The following STAT3 variants were observed in gnomAD, a reference collection of about 807,000 sequenced individuals.
The protein encoded by STAT3 is signal transducer and activator of transcription 3, also known as DNA-binding protein APRF.
Under a neutral mutation model 114.3 loss-of-function variants are expected in STAT3, and 7 were observed. The ratio of observed to expected loss-of-function variants is 0.06; its 90% confidence interval spans 0.03 to 0.11. The LOEUF (loss-of-function observed/expected upper bound fraction) is 0.11, where lower values mean the gene tolerates loss of function less well. Ranked by LOEUF, STAT3 falls within the 10% of genes least tolerant of loss-of-function variation. The pLI, the probability that STAT3 is intolerant of heterozygous loss-of-function variation, is 1.00. For synonymous variants in STAT3, 331 were observed against 354.5 expected, an observed-to-expected ratio of 0.93 and a Z score of 0.74; for missense variants, 364 against 960.9, an observed-to-expected ratio of 0.38 and a Z score of 8.21.
chr17:42,379,777 A>G (rs1330148227), intron 1 of STAT3, among the ~76,000 whole-genome samples: 1 of 152,168 alleles, frequency 6.6e-6, no homozygotes, highest in Non-Finnish European at 1.5e-5. Flanking sequence ...CAATGCAGAG[A>G]TTTATCAGAA....
At chr17:42,340,868 A>G (rs1464128433) in intron 4 of STAT3, among the ~76,000 whole-genome samples, 1 of 152,102 alleles carries the variant, frequency 6.6e-6, no homozygotes, top group African/African-American at 2.4e-5. Context: ...AGGGCCCACC[A>G]TAAGCAAGAG....
In STAT3 at chr17:42,315,762, C is replaced by T. The variant is rs779485558; in HGVS notation, c.2296G>A (p.Ala766Thr). The T allele has an allele frequency of 2.6e-5, 42 of 1,613,924 alleles. No homozygotes were observed. The East Asian group carries it at 6.5e-4, about 25-fold the overall frequency. ...TCAGCTCCTCACATGGGGGAGGTAG[C>T]GCACTCCGAGGTCAACTCCATGTCA... ...TFDMELTSEC[A>T]TSPM is the part of the protein sequence containing the mutation. The change falls in exon 24 of 24, where the codon GCT (alanine) becomes ACT (threonine). Residue 766 changes from alanine (A) to threonine (T), a missense_variant. Physicochemically the swap from Ala to Thr is moderately conservative, Grantham distance 58 (BLOSUM62 0). This residue lies in a region of STAT3 where 37 missense variants were observed against 66.5 expected (regional missense o/e 0.56). Coordinates refer to ENST00000264657, the MANE Select transcript of STAT3 (RefSeq NM_139276.3).
chr17:42,345,094 C>T (rs1275525931), intron 4 of STAT3, among the ~76,000 whole-genome samples: 5 of 151,530 alleles, frequency 3.3e-5, no homozygotes, highest in Non-Finnish European at 7.4e-5. Flanking sequence ...GAAGAAACCC[C>T]GTCTCTACTA....
At chr17:42,327,997 G>A (rs1271082699) in intron 14 of STAT3, among the ~76,000 whole-genome samples, 6 of 148,482 alleles carry the variant, frequency 4.0e-5, no homozygotes, top group Non-Finnish European at 8.9e-5. Flanking sequence ...AGTGAGCTGA[G>A]ATCGCACCAC....
chr17:42,381,111 C>A (rs2084766560), intron 1 of STAT3, among the ~76,000 whole-genome samples: 1 of 152,072 alleles, frequency 6.6e-6, no homozygotes, highest in African/African-American at 2.4e-5. Context: ...TAAGAGAAGG[C>A]AGAACTGGGA....
In STAT3 at chr17:42,337,724, C is replaced by G; in HGVS notation, c.645+39G>C. On this transcript the variant is annotated intron_variant, in intron 7 of 23. Transcript: ENST00000264657. This position sits in a 1 kb window ranked among gnomAD's most constrained non-coding sequence, Gnocchi z 4.0. The stretch of plus-strand genomic sequence containing the variant: ...AAGACGCTGAAATCCCGCAAGTGAG[C>G]GAGACACATGGGGGAAGTGGTCCGA... 1 of 1,612,736 alleles carries G rather than the reference C, an allele frequency of 6.2e-7. No homozygotes were observed.
At chr17:42,358,167 C>T (rs1032742586) in intron 1 of STAT3, among the ~76,000 whole-genome samples, 2 of 152,148 alleles carry the variant, frequency 1.3e-5, no homozygotes, top group Non-Finnish European at 2.9e-5. Context: ...AATTCTAGCA[C>T]TTTGAGAGGC....
At chr17:42,315,833 T>G in intron 23 of STAT3, 33 bp from the exon 24 acceptor site, 1 of 1,613,894 alleles carries the variant, frequency 6.2e-7, no homozygotes, top group Non-Finnish European at 8.5e-7. Flanking sequence ...CTAGTTCAGT[T>G]GTCCACCCTC....
chr17:42,347,184 C>CAAAAA lies in STAT3; in HGVS notation c.129-476_129-472dup, dbSNP rs754388828. Among the ~76,000 whole-genome samples the CAAAAA allele has an allele frequency of 6.6e-5, 5 of 75,516 alleles. 1 individual carries two copies. The highest frequency in any genetic ancestry group is 8.0e-5 in the African/African-American group (2 of 25,080). The allele number at this position is 75,516 out of a possible 152,430, so 49.5% of individuals were successfully genotyped here. A position where few individuals can be genotyped will look rare whatever the true frequency, so the allele number is the denominator to read the frequency against. ...CCTGGGCTACAGCCAGACTCCATCTCAAAAAAAAAAAAAAAAAAACCACAA... is the reference window on the plus strand; with the variant it reads ...CCTGGGCTACAGCCAGACTCCATCTCAAAAAAAAAAAAAAAAAAAAAAAACCACAA... On this transcript the variant is annotated intron_variant, in intron 2 of 23. Transcript: ENST00000264657.
intron 1 of STAT3, among the ~76,000 whole-genome samples, chr17:42,380,925 G>C (rs2084756783): frequency 6.6e-6 from 1 of 152,074 alleles, no homozygotes; most frequent in Admixed American, 6.6e-5. Context: ...AAAATAAATA[G>C]TAATAATAGT....
rs564435618 is a variant in STAT3, at chr17:42,342,238, T to C, written c.373-2829A>G. The stretch of plus-strand genomic sequence containing the variant: ...TGGCTTATGCCTGTAATCCCAGCAC[T>C]TTGGGAGGCCGAGGTGGATGGATCA... On this transcript the variant is annotated intron_variant, in intron 4 of 23. Transcript: ENST00000264657. Among the ~76,000 whole-genome samples, 13 of 152,168 alleles carry C rather than the reference T, an allele frequency of 8.5e-5. No homozygotes were observed. In the South Asian group the frequency reaches 2.7e-3, roughly 32 times the overall value.
intron 10 of STAT3, 61 bp from the exon 11 acceptor site, chr17:42,331,592 G>T: frequency 1.5e-6 from 2 of 1,366,408 alleles, no homozygotes; most frequent in Non-Finnish European, 2.1e-6. Flanking sequence ...ACCTTTTCTT[G>T]AAGAAATGTA....
At chr17:42,365,349 T>C (rs1462381032) in intron 1 of STAT3, among the ~76,000 whole-genome samples, 1 of 152,102 alleles carries the variant, frequency 6.6e-6, no homozygotes, top group Non-Finnish European at 1.5e-5. Context: ...TAAAGAAAAT[T>C]CCAGATGATT....
chr17:42,322,507 A>G lies in STAT3; in HGVS notation c.1889-13T>C, dbSNP rs761815890. The G allele has an allele frequency of 6.2e-7, 1 of 1,614,092 alleles. No individual in the cohort carries two copies. The highest frequency in any genetic ancestry group is 1.1e-5 in the South Asian group (1 of 91,082). On this transcript the variant is annotated splice_polypyrimidine_tract_variant and intron_variant, in intron 20 of 23. Transcript: ENST00000264657. ...ATCTGGGTCTTACCTGTCACAGGAC[A>G]TGGGAAGGAAAGATCATGGAACCTA...
rs1295772321 is a variant in STAT3, at chr17:42,323,362, A to G, written c.1654-8T>C. Reference sequence around the variant, plus strand: ...CTTGCCAGCCATGTTTTCCTGGAGAAAAGAGTAATGGGAAAGCCAAGTCTA... The same window carrying G: ...CTTGCCAGCCATGTTTTCCTGGAGAGAAGAGTAATGGGAAAGCCAAGTCTA... On this transcript the variant is annotated splice_polypyrimidine_tract_variant and splice_region_variant and intron_variant, in intron 18 of 23. Transcript: ENST00000264657. 1 of 1,614,014 alleles carries G rather than the reference A, an allele frequency of 6.2e-7. No homozygotes were observed. The highest frequency in any genetic ancestry group is 8.5e-7 in the Non-Finnish European group (1 of 1,179,980).
At chr17:42,339,464 A>T in intron 4 of STAT3, 55 bp from the exon 5 acceptor site, 24 of 1,517,964 alleles carry the variant, frequency 1.6e-5, no homozygotes, top group African/African-American at 2.7e-5. Flanking sequence ...GGAGAGGAAT[A>T]CCTCTACCCA....
chr17:42,371,187 G>T (rs1212036702), intron 1 of STAT3, among the ~76,000 whole-genome samples: 2 of 152,114 alleles, frequency 1.3e-5, no homozygotes, highest in African/African-American at 4.8e-5. Flanking sequence ...GTCAGACAGG[G>T]AGAGAGGCAC....
chr17:42,321,930 C>A (rs2081501178), intron 21 of STAT3, among the ~76,000 whole-genome samples: 1 of 152,104 alleles, frequency 6.6e-6, no homozygotes, highest in African/African-American at 2.4e-5. Flanking sequence ...CTCAGGTGAT[C>A]CTCCCACCTC....
intron 4 of STAT3, among the ~76,000 whole-genome samples, chr17:42,342,133 A>G (rs574967283): frequency 6.6e-6 from 1 of 151,564 alleles, no homozygotes; most frequent in Non-Finnish European, 1.5e-5. Context: ...GGCACTGCAC[A>G]GTAAGTGTTA....
Sources: gnomAD v4.1 joint callset for allele counts (sites outside exome capture counted in the v4.1 genomes callset) on GRCh38, gnomAD v4.1.1 for gene constraint, gnomAD v4.1.1 regional missense constraint, Gnocchi (gnomAD v3.1) non-coding constraint, MANE v1.5 for transcripts, NCBI Gene and HGNC (gene_info 2026-07-23, HGNC 2026-07-21) for gene names.